SEPTIN7: variants seen among roughly 807,000 people sequenced by gnomAD.
The protein encoded by SEPTIN7 is septin-7.
A neutral mutation model predicts 63.3 loss-of-function variants in SEPTIN7; 10 were observed. That is an observed-to-expected ratio of 0.16 (90% CI 0.10 to 0.27). SEPTIN7 has a LOEUF of 0.27. SEPTIN7 is among the 10% of genes least tolerant of loss of function. The pLI is 1.00. For missense variants in SEPTIN7, 310 were observed against 521.0 expected (o/e 0.59, Z 3.94); for synonymous variants, 131 against 165.3 (o/e 0.79, Z 1.59).
intron 3 of SEPTIN7, among the ~76,000 whole-genome samples, chr7:35,840,326 A>C (rs1784351062): frequency 6.7e-6 from 1 of 148,238 alleles, no homozygotes; most frequent in Non-Finnish European, 1.5e-5. Context: ...TGGTATAATC[A>C]GAGCTCCCTG....
intron 3 of SEPTIN7, among the ~76,000 whole-genome samples, chr7:35,836,488 A>G (rs1459421270): frequency 1.3e-5 from 2 of 152,178 alleles, no homozygotes; most frequent in Admixed American, 1.3e-4. Context: ...ACATTTAATG[A>G]TATGTCAATA....
chr7:35,880,039 G>A, intron 7 of SEPTIN7, 99 bp downstream of exon 7: 1 of 688,826 alleles, frequency 1.5e-6, no homozygotes, highest in Admixed American at 2.2e-5. Flanking sequence ...TCCTCTTACT[G>A]CTTTACTATA....
intron 4 of SEPTIN7, among the ~76,000 whole-genome samples, chr7:35,869,754 G>A (rs1786032768): frequency 1.3e-5 from 2 of 152,040 alleles, no homozygotes; most frequent in African/African-American, 4.8e-5. Flanking sequence ...TGGATTTCTG[G>A]AATCTCAGAT....
At chr7:35,849,888 T>C (rs1050672358) in intron 3 of SEPTIN7, among the ~76,000 whole-genome samples, 2 of 152,228 alleles carry the variant, frequency 1.3e-5, no homozygotes, top group African/African-American at 4.8e-5. Flanking sequence ...CCTCCTGGTT[T>C]ACCTGGTTGT....
Position 35,904,413 on chromosome 7 carries a change from C to T in SEPTIN7, c.*120C>T. 1 of 683,400 alleles carries T rather than the reference C, an allele frequency of 1.5e-6. No homozygotes were observed. Among genetic ancestry groups the T allele is most frequent in the Non-Finnish European group, 2.2e-6 (1 of 444,506 alleles). 42.3% of individuals were successfully genotyped at this position (683,400 alleles called of 1,614,324 possible). On this transcript the variant is annotated 3_prime_UTR_variant, in exon 14 of 14. Coordinates refer to ENST00000350320, the MANE Select transcript of SEPTIN7 (RefSeq NM_001788.6). Reference sequence around the variant, plus strand: ...TTATCCATAATGATGGATTTAACAGCATGACAAAAATTATTTTTTTTTTTG... The same window carrying T: ...TTATCCATAATGATGGATTTAACAGTATGACAAAAATTATTTTTTTTTTTG...
At chr7:35,835,176 G>A (rs552609984) in intron 3 of SEPTIN7, among the ~76,000 whole-genome samples, 13 of 152,170 alleles carry the variant, frequency 8.5e-5, no homozygotes, top group African/African-American at 3.1e-4. Flanking sequence ...TCATACAAAA[G>A]TTAAGAGCCA....
chr7:35,903,320 C>A (rs1788431871), intron 13 of SEPTIN7, 105 bp downstream of exon 13: 2 of 1,402,072 alleles, frequency 1.4e-6, no homozygotes, highest in Non-Finnish European at 1.9e-6. Flanking sequence ...AGTCATCACC[C>A]ATTATCATGC....
intron 3 of SEPTIN7, among the ~76,000 whole-genome samples, chr7:35,842,201 A>C (rs950893364): frequency 1.3e-5 from 2 of 152,176 alleles, no homozygotes; most frequent in Non-Finnish European, 2.9e-5. Context: ...AGATAGTTTT[A>C]TGCCAGGATA....
At chr7:35,885,414 A>C (rs1787167760) in intron 9 of SEPTIN7, among the ~76,000 whole-genome samples, 1 of 152,134 alleles carries the variant, frequency 6.6e-6, no homozygotes, top group African/African-American at 2.4e-5. Context: ...AATAAAAGTA[A>C]AGAACCTGAA....
At chr7:35,913,633 C>G in the SEPTIN7 span, among the ~76,000 whole-genome samples, 1 of 150,972 alleles carries the variant, frequency 6.6e-6, no homozygotes, top group South Asian at 2.1e-4. Context: ...CTCCAGTGTC[C>G]TGGCTGAAGT....
At position 35,873,358 on chromosome 7, in the gene SEPTIN7, A is replaced by G. The variant is rs527517689; in HGVS notation, c.378-283A>G. Among the ~76,000 whole-genome samples, 239 of 152,182 alleles carry G rather than the reference A, an allele frequency of 1.6e-3. 1 individual carries two copies. The highest frequency in any genetic ancestry group is 5.0e-3 in the Admixed American group (77 of 15,274). On this transcript the variant is annotated intron_variant, in intron 5 of 13. Coordinates refer to ENST00000350320, the MANE Select transcript of SEPTIN7 (RefSeq NM_001788.6). ...TTTTAAACTGCATATAATTGTTTTC[A>G]TATTATGAAGTGTGTTATTAATACA...
chr7:35,813,469 T>C (rs1788864197), intron 1 of SEPTIN7, among the ~76,000 whole-genome samples: 1 of 152,068 alleles, frequency 6.6e-6, no homozygotes, highest in Admixed American at 6.6e-5. Flanking sequence ...GCGATTCTCA[T>C]TCTCTCCTGG....
intron 1 of SEPTIN7, among the ~76,000 whole-genome samples, chr7:35,819,248 T>G (rs1163434990): frequency 6.6e-6 from 1 of 152,124 alleles, no homozygotes; most frequent in African/African-American, 2.4e-5. Context: ...TTCACAAGTG[T>G]GTGAATTTTC....
chr7:35,907,916 A>G (rs1036981264), downstream of SEPTIN7, among the ~76,000 whole-genome samples: 1 of 152,228 alleles, frequency 6.6e-6, no homozygotes, highest in African/African-American at 2.4e-5. Flanking sequence ...TAAGGTGTCC[A>G]GACCTCGAGA....
intron 11 of SEPTIN7, among the ~76,000 whole-genome samples, chr7:35,897,404 GC>G (rs879342812): frequency 2.0e-5 from 3 of 152,086 alleles, no homozygotes; most frequent in Admixed American, 6.5e-5. Flanking sequence ...AAGTATATTA[GC>G]CTTAACATAA....
At chr7:35,867,796 A>G (rs1165691226) in intron 4 of SEPTIN7, among the ~76,000 whole-genome samples, 1 of 151,778 alleles carries the variant, frequency 6.6e-6, no homozygotes, top group Non-Finnish European at 1.5e-5. Flanking sequence ...GTGCAATGAC[A>G]CTGTTAGATT....
intron 10 of SEPTIN7, among the ~76,000 whole-genome samples, chr7:35,888,466 TTTC>T (rs1318470522): frequency 4.6e-5 from 7 of 152,234 alleles, no homozygotes; most frequent in African/African-American, 1.4e-4. Context: ...TCATGTAAGT[TTTC>T]TTCCTTAGGA....
intron 1 of SEPTIN7, chr7:35,802,245 TC>T (rs778544926): frequency 2.8e-5 from 10 of 362,050 alleles, no homozygotes; most frequent in Non-Finnish European, 5.1e-5. Context: ...CATTTTCCAC[TC>T]CTGAGTTCCA....
chr7:35,847,213 C>T, intron 3 of SEPTIN7: 1 of 156,798 alleles, frequency 6.4e-6, no homozygotes, highest in Non-Finnish European at 1.4e-5. Context: ...CGCACTGTAG[C>T]CAGCATGCTG....
Sources: gnomAD v4.1 joint callset for allele counts (sites outside exome capture counted in the v4.1 genomes callset) on GRCh38, gnomAD v4.1.1 for gene constraint, MANE v1.5 for transcripts, NCBI Gene and HGNC (gene_info 2026-07-23, HGNC 2026-07-21) for gene names.